The following SDK2 variants were observed in gnomAD, a reference collection of about 807,000 sequenced individuals.
The protein encoded by SDK2 is protein sidekick-2.
A neutral mutation model predicts 253.9 loss-of-function variants in SDK2; 105 were observed. The observed-to-expected ratio is 0.41, with a 90% confidence interval of 0.35 to 0.49. The LOEUF is 0.49. Ranked by LOEUF, SDK2 falls within the 20% of genes least tolerant of loss-of-function variation. The probability of loss-of-function intolerance (pLI) is 0.06; values close to 1 mark genes in which losing one functional copy is unlikely to be tolerated. For missense variants in SDK2, 2,608 were observed against 3,003.0 expected (o/e 0.87, Z 3.07); for synonymous variants, 1,249 against 1,234.9 (o/e 1.01, Z -0.24).
In SDK2 at chr17:73,340,213, T is replaced by G. The variant is rs113754588; in HGVS notation, c.6166-1273A>C. Among the ~76,000 whole-genome samples, 469 of 152,320 alleles carry G rather than the reference T, an allele frequency of 3.1e-3. 4 individuals are homozygous for G. Among genetic ancestry groups the G allele is most frequent in the African/African-American group, 0.011 (437 of 41,552 alleles). ...GAAGTGAGGTTCACATAACCGAAAG[T>G]GAACCATTCTAAAGTCTATGACTCA... On this transcript the variant is annotated intron_variant, in intron 44 of 44. Coordinates refer to ENST00000392650, the MANE Select transcript of SDK2 (RefSeq NM_001144952.2).
At chr17:73,615,866 TACAC>T (rs376546049) in intron 1 of SDK2, among the ~76,000 whole-genome samples, 56 of 151,978 alleles carry the variant, frequency 3.7e-4, no homozygotes, top group African/African-American at 5.3e-4. Context: ...ATACAACACA[TACAC>T]ACAACCACAT....
chr17:73,395,041 C>G lies in SDK2; in HGVS notation c.3592+114G>C. 1.3e-6 allele frequency: 1 copy of G among 760,258 alleles called. No individual in the cohort carries two copies. The highest frequency in any genetic ancestry group is 1.8e-5 in the South Asian group (1 of 57,094). The allele number at this position is 760,258 out of a possible 1,614,324, so 47.1% of individuals were successfully genotyped here. ...ATTGAGCATAAGCAGAGGAAATGAGCTCAGGCTGTTTTTGAACAACACCTT... is the reference window on the plus strand; with the variant it reads ...ATTGAGCATAAGCAGAGGAAATGAGGTCAGGCTGTTTTTGAACAACACCTT... On this transcript the variant is annotated intron_variant, in intron 25 of 44. Coordinates refer to ENST00000392650, the MANE Select transcript of SDK2 (RefSeq NM_001144952.2). This position sits in a 1 kb window ranked among gnomAD's most constrained non-coding sequence, Gnocchi z 4.3.
rs374849649 is a variant in SDK2, at chr17:73,369,350, G to A, written c.4981-757C>T. The A allele has an allele frequency of 9.9e-4, 266 of 267,952 alleles. 1 individual carries two copies. The highest frequency in any genetic ancestry group is 8.6e-3 in the South Asian group (248 of 28,680). The allele number at this position is 267,952 out of a possible 1,614,324, so 16.6% of individuals were successfully genotyped here. On this transcript the variant is annotated intron_variant, in intron 36 of 44. Transcript: ENST00000392650. ...AGAGTCTCAGGGCCACCCCGGGCCCGCTGCACCAGCAGCTGCTGGTTAACA... is the reference window on the plus strand; with the variant it reads ...AGAGTCTCAGGGCCACCCCGGGCCCACTGCACCAGCAGCTGCTGGTTAACA...
chr17:73,603,871 G>A (rs1316462450), intron 1 of SDK2, among the ~76,000 whole-genome samples: 2 of 152,200 alleles, frequency 1.3e-5, no homozygotes, highest in African/African-American at 4.8e-5. Flanking sequence ...CCCAACTTGG[G>A]ACACTTCCTG....
Position 73,412,067 on chromosome 17 carries a change from TAC to T in SDK2, c.2484+2575_2484+2576del, listed in dbSNP as rs752178698. Among the ~76,000 whole-genome samples the T allele has an allele frequency of 1.2e-4, 3 of 25,216 alleles. 1 individual carries two copies. Among genetic ancestry groups the T allele is most frequent in the Middle Eastern group, 0.048 (2 of 42 alleles). 16.5% of individuals were successfully genotyped at this position (25,216 alleles called of 152,430 possible). A position where few individuals can be genotyped will look rare whatever the true frequency, so the allele number is the denominator to read the frequency against. On this transcript the variant is annotated intron_variant, in intron 18 of 44. Coordinates refer to ENST00000392650, the MANE Select transcript of SDK2 (RefSeq NM_001144952.2). ...ATATGTATATACGTATATGTATATATACGTATATATGTATATGTATATATACG... is the reference window on the plus strand; with the variant it reads ...ATATGTATATACGTATATGTATATATGTATATATGTATATGTATATATACG...
intron 4 of SDK2, among the ~76,000 whole-genome samples, chr17:73,453,544 A>G (rs1289206619): frequency 1.3e-5 from 2 of 151,848 alleles, no homozygotes; most frequent in African/African-American, 4.8e-5. Context: ...TCCCTGGCTA[A>G]TTTTGTATTT....
chr17:73,360,924 A>G (rs1361056271), intron 39 of SDK2, among the ~76,000 whole-genome samples: 1 of 148,644 alleles, frequency 6.7e-6, no homozygotes, highest in Non-Finnish European at 1.5e-5. Flanking sequence ...TGACAGAGCG[A>G]GACTCTGTCT....
chr17:73,497,541 G>T (rs574663001), intron 2 of SDK2, among the ~76,000 whole-genome samples: 1 of 151,540 alleles, frequency 6.6e-6, no homozygotes, highest in South Asian at 2.1e-4. Context: ...CTCCTTCTCC[G>T]CCTGGGATTC....
chr17:73,528,594 C>T (rs1407944834), intron 1 of SDK2, among the ~76,000 whole-genome samples: 1 of 152,174 alleles, frequency 6.6e-6, no homozygotes, highest in Non-Finnish European at 1.5e-5. Flanking sequence ...TCACTAAGCC[C>T]CAGGTGAACA....
chr17:73,385,327 G>A (rs954992988), intron 32 of SDK2, among the ~76,000 whole-genome samples: 3 of 152,138 alleles, frequency 2.0e-5, no homozygotes, highest in Admixed American at 6.5e-5. Context: ...ACTGAAGAGT[G>A]GGCATCTGGA....
At chr17:73,501,410 C>T (rs372782727) in intron 2 of SDK2, among the ~76,000 whole-genome samples, 11 of 152,214 alleles carry the variant, frequency 7.2e-5, no homozygotes, top group East Asian at 3.9e-4. Context: ...AGAGGCAGGC[C>T]GTGGGGCCAG....
chr17:73,532,997 C>T (rs2064182203), intron 1 of SDK2, among the ~76,000 whole-genome samples: 4 of 152,210 alleles, frequency 2.6e-5, no homozygotes, highest in Admixed American at 2.6e-4. Flanking sequence ...GGCCCCTCTC[C>T]CCTTTCAGGA....
intron 44 of SDK2, among the ~76,000 whole-genome samples, chr17:73,339,634 G>A (rs1171990894): frequency 6.6e-6 from 1 of 151,752 alleles, no homozygotes; most frequent in African/African-American, 2.4e-5. Flanking sequence ...CCTCTCTGTA[G>A]CCTCAACCTC....
chr17:73,618,411 G>A lies in SDK2; in HGVS notation c.64+25614C>T, dbSNP rs569722120. Among the ~76,000 whole-genome samples, 53 of 152,316 alleles carry A rather than the reference G, an allele frequency of 3.5e-4. No homozygotes were observed. Among genetic ancestry groups the A allele is most frequent in the Non-Finnish European group, 5.6e-4 (38 of 68,024 alleles). On this transcript the variant is annotated intron_variant, in intron 1 of 44. Coordinates refer to ENST00000392650, the MANE Select transcript of SDK2 (RefSeq NM_001144952.2). The surrounding 1 kb of genome is among the most constrained non-coding windows in gnomAD (Gnocchi z 4.1). ...AAGATTCTCCAGGGAGGCAGTGGTC[G>A]GCCAAGCCCAAGGGCTATGGAGCCA...
At chr17:73,608,702 C>T (rs964091413) in intron 1 of SDK2, among the ~76,000 whole-genome samples, 1 of 152,152 alleles carries the variant, frequency 6.6e-6, no homozygotes, top group Non-Finnish European at 1.5e-5. Context: ...CTTGGCCTCC[C>T]AAAGTGCTGG....
At chr17:73,602,520 G>C (rs1389877928) in intron 1 of SDK2, among the ~76,000 whole-genome samples, 1 of 146,114 alleles carries the variant, frequency 6.8e-6, no homozygotes, top group Non-Finnish European at 1.5e-5. Flanking sequence ...AAAAGTCTAA[G>C]TTCTTTTTTT....
In SDK2 at chr17:73,361,567, G is replaced by T; in HGVS notation, c.5467+117C>A. ...CACTGGGCACCAGGGGAAAGAGTGA[G>T]CTCTGTCCTCCACTCTGTTTCCAGG... is the stretch of plus-strand genomic sequence containing the variant. On this transcript the variant is annotated intron_variant, in intron 39 of 44. Transcript: ENST00000392650. The surrounding 1 kb of genome is among the most constrained non-coding windows in gnomAD (Gnocchi z 4.1). The T allele has an allele frequency of 2.0e-6, 2 of 1,023,076 alleles. No homozygotes were observed. Among genetic ancestry groups the T allele is most frequent in the Non-Finnish European group, 2.8e-6 (2 of 703,612 alleles). The allele number at this position is 1,023,076 out of a possible 1,614,324, so 63.4% of individuals were successfully genotyped here. A position where few individuals can be genotyped will look rare whatever the true frequency, so the allele number is the denominator to read the frequency against.
chr17:73,406,516 T>C (rs12449412), intron 18 of SDK2, among the ~76,000 whole-genome samples: 150,177 of 152,104 alleles, frequency 0.99, 74,165 homozygotes, highest in East Asian at 1. Flanking sequence ...TTCCAAAGTG[T>C]TGGAATTACA....
chr17:73,525,611 C>T (rs1012417958), intron 1 of SDK2, among the ~76,000 whole-genome samples: 7 of 152,094 alleles, frequency 4.6e-5, no homozygotes, highest in Non-Finnish European at 1.0e-4. Flanking sequence ...CTCACTGCAC[C>T]ACCACCTCCT....
Sources: allele counts gnomAD v4.1 joint callset (sites outside exome capture counted in the v4.1 genomes callset), GRCh38; gene constraint gnomAD v4.1.1; non-coding constraint Gnocchi (gnomAD v3.1); transcripts MANE v1.5; gene names NCBI Gene and HGNC (gene_info 2026-07-23, HGNC 2026-07-21).